The following IGF2BP3 variants were observed in gnomAD, a reference collection of about 807,000 sequenced individuals.
IGF2BP3 encodes insulin like growth factor 2 mRNA binding protein 3.
In IGF2BP3, 9 loss-of-function variants were observed where a neutral mutation model predicts 73.8. The observed-to-expected ratio is 0.12, with a 90% CI of 0.07 to 0.21. IGF2BP3 has a LOEUF of 0.21. Ranked by LOEUF, IGF2BP3 falls within the 10% of genes least tolerant of loss-of-function variation. IGF2BP3 has a pLI of 1.00. For missense variants in IGF2BP3, 542 were observed against 714.0 expected (o/e 0.76, Z 2.75); for synonymous variants, 258 against 256.7 (o/e 1.01, Z -0.05).
intron 12 of IGF2BP3, among the ~76,000 whole-genome samples, chr7:23,317,004 C>T (rs1562666033): frequency 6.6e-6 from 1 of 152,118 alleles, no homozygotes; most frequent in Admixed American, 6.6e-5. Flanking sequence ...AGTAACTTGC[C>T]CAATGTCATA....
Position 23,342,122 on chromosome 7 carries a change from A to G in IGF2BP3, c.1145T>C (p.Met382Thr). Reference protein sequence around the residue: ...ALGLFPPTSGMPPPTSGPPSA... With the variant: ...ALGLFPPTSGTPPPTSGPPSA... ...AGGGGGCCCTGAGGTGGGAGGTGGCATCCCTGAAGTGGGTGGGAACAGACC... is the reference window on the plus strand; with the variant it reads ...AGGGGGCCCTGAGGTGGGAGGTGGCGTCCCTGAAGTGGGTGGGAACAGACC... Residue 382 changes from methionine to threonine, a missense_variant, in exon 10 of 15, where the codon ATG (methionine) becomes ACG (threonine). Around this residue, in one of 2 missense-constraint regions of IGF2BP3, gnomAD observed 303 missense variants for 472.1 expected, o/e 0.64. Coordinates refer to ENST00000258729, the MANE Select transcript of IGF2BP3 (RefSeq NM_006547.3). 1.2e-6 allele frequency: 2 copies of G among 1,610,456 alleles called. No homozygotes were observed. The highest frequency in any genetic ancestry group is 1.7e-6 in the Non-Finnish European group (2 of 1,178,924).
At chr7:23,351,147 ACAC>A (rs768386325) in intron 6 of IGF2BP3, among the ~76,000 whole-genome samples, 155 bp downstream of exon 6, 1 of 152,170 alleles carries the variant, frequency 6.6e-6, no homozygotes, top group Non-Finnish European at 1.5e-5. Context: ...TATGAAATGA[ACAC>A]CAAGATACTG....
intron 14 of IGF2BP3, 92 bp from the exon 15 acceptor site, chr7:23,312,552 C>T: frequency 9.8e-7 from 1 of 1,023,248 alleles, no homozygotes; most frequent in Non-Finnish European, 1.5e-6. Context: ...AATAGAAATC[C>T]ATTTGATGAT....
chr7:23,349,211 T>C (rs996050774), intron 6 of IGF2BP3, among the ~76,000 whole-genome samples: 6 of 152,228 alleles, frequency 3.9e-5, no homozygotes, highest in African/African-American at 1.4e-4. Context: ...TTGAGTTCCT[T>C]TGGCCATTCA....
intron 2 of IGF2BP3, among the ~76,000 whole-genome samples, chr7:23,457,032 G>C (rs1423236709): frequency 6.6e-6 from 1 of 151,008 alleles, no homozygotes; most frequent in African/African-American, 2.4e-5. Flanking sequence ...CCAGTCGACA[G>C]AGCAAGACTC....
At chr7:23,367,738 C>T (rs1252911217) in intron 3 of IGF2BP3, among the ~76,000 whole-genome samples, 15 of 152,026 alleles carry the variant, frequency 9.9e-5, no homozygotes, top group African/African-American at 1.4e-4. Flanking sequence ...CGGTGGCTCA[C>T]GCCTGTAATC....
intron 5 of IGF2BP3, among the ~76,000 whole-genome samples, chr7:23,353,679 T>C (rs1051429894): frequency 4.6e-5 from 7 of 152,266 alleles, no homozygotes; most frequent in African/African-American, 1.7e-4. Context: ...TGTTTTTAAA[T>C]ACAATGTCTT....
At chr7:23,365,446 G>A (rs773882966) in intron 3 of IGF2BP3, among the ~76,000 whole-genome samples, 3 of 152,124 alleles carry the variant, frequency 2.0e-5, no homozygotes, top group South Asian at 4.2e-4. Context: ...AAACAATACC[G>A]ACTAAACCTA....
rs146845826 is a variant in IGF2BP3, at chr7:23,415,019, G to A, written c.285+3757C>T. The stretch of plus-strand genomic sequence containing the variant: ...GTCCCGTCCTTCAGTTGGTATCACC[G>A]CATCACCAGGTCCCATCCGTCAGTC... On this transcript the variant is annotated intron_variant, in intron 3 of 14. Transcript: ENST00000258729. 1.3e-3 allele frequency: 261 copies of A among 199,336 alleles called. 2 individuals are homozygous for A. Among genetic ancestry groups the A allele is most frequent in the African/African-American group, 6.0e-3 (249 of 41,306 alleles). The allele number at this position is 199,336 out of a possible 1,614,324, so 12.3% of individuals were successfully genotyped here. A position where few individuals can be genotyped will look rare whatever the true frequency, so the allele number is the denominator to read the frequency against.
intron 10 of IGF2BP3, among the ~76,000 whole-genome samples, chr7:23,320,963 A>C (rs13227296): frequency 5.9e-5 from 6 of 101,702 alleles, no homozygotes; most frequent in Non-Finnish European, 1.1e-4. Flanking sequence ...AAAAAAAAAA[A>C]AAAAAAGAAA....
At chr7:23,414,826 C>T in intron 3 of IGF2BP3, 1 of 176,660 alleles carries the variant, frequency 5.7e-6, no homozygotes, top group South Asian at 1.1e-4. Context: ...ACCCACAGGT[C>T]CCGTCCATCA....
intron 5 of IGF2BP3, among the ~76,000 whole-genome samples, chr7:23,358,467 C>G (rs1353497789): frequency 1.3e-5 from 2 of 152,198 alleles, no homozygotes; most frequent in African/African-American, 4.8e-5. Flanking sequence ...CTATGGGGTT[C>G]ATTGGAAGTC....
intron 3 of IGF2BP3, among the ~76,000 whole-genome samples, chr7:23,379,955 T>C (rs1268070883): frequency 2.0e-5 from 3 of 152,150 alleles, no homozygotes; most frequent in African/African-American, 7.2e-5. Context: ...GGTCAAGCCA[T>C]GGTCAGCTAA....
intron 10 of IGF2BP3, among the ~76,000 whole-genome samples, chr7:23,327,504 A>G (rs1381676098): frequency 2.6e-5 from 4 of 152,042 alleles, no homozygotes; most frequent in South Asian, 2.1e-4. Context: ...GATGGTCTCG[A>G]TCTCCTGACC....
chr7:23,384,688 C>T (rs1451765166), intron 3 of IGF2BP3, among the ~76,000 whole-genome samples: 2 of 151,972 alleles, frequency 1.3e-5, no homozygotes, highest in South Asian at 2.1e-4. Flanking sequence ...CCCAGGAGTT[C>T]AAGACCAGCC....
In IGF2BP3 at chr7:23,470,128, TAA is replaced by T; in HGVS notation, c.-20_-19del. 1 of 1,542,750 alleles carries T rather than the reference TAA, an allele frequency of 6.5e-7. No individual in the cohort carries two copies. On this transcript the variant is annotated 5_prime_UTR_variant, in exon 1 of 15. Transcript: ENST00000258729. ...TTGTTCATTGTGAAGAGTGGTTGTT[TAA>T]AAAAAAATAACGAGAAAAAACGAAA...
intron 2 of IGF2BP3, among the ~76,000 whole-genome samples, chr7:23,465,338 C>G (rs979832463): frequency 6.6e-6 from 1 of 152,214 alleles, no homozygotes; most frequent in African/African-American, 2.4e-5. Flanking sequence ...ATATCCAATG[C>G]AATCTTCTCT....
At chr7:23,357,811 A>G (rs1034643134) in intron 5 of IGF2BP3, among the ~76,000 whole-genome samples, 4 of 152,268 alleles carry the variant, frequency 2.6e-5, no homozygotes, top group African/African-American at 9.6e-5. Context: ...ACAAGGTGGC[A>G]GGAATTTCCA....
At chr7:23,415,769 CT>C (rs1211031565) in intron 3 of IGF2BP3, among the ~76,000 whole-genome samples, 2 of 152,260 alleles carry the variant, frequency 1.3e-5, no homozygotes, top group Non-Finnish European at 2.9e-5. Context: ...TCAACTTCCT[CT>C]TTGGCCTTCC....
Sources: gnomAD v4.1 joint callset for allele counts (sites outside exome capture counted in the v4.1 genomes callset) on GRCh38, gnomAD v4.1.1 for gene constraint, gnomAD v4.1.1 regional missense constraint, MANE v1.5 for transcripts, NCBI Gene and HGNC (gene_info 2026-07-23, HGNC 2026-07-21) for gene names.